ECI2: variants seen among roughly 807,000 people sequenced by gnomAD.
The protein encoded by ECI2 is D3,D2-enoyl-CoA isomerase.
In ECI2, 27 loss-of-function variants were observed where a neutral mutation model predicts 38.4. The observed-to-expected ratio is 0.70, with a 90% CI of 0.52 to 0.97. ECI2 has a LOEUF of 0.97. Among genes scored for constraint, ECI2 ranks in the 50% least tolerant of loss-of-function variants. The pLI is 0.00. For synonymous variants in ECI2, 168 were observed against 172.0 expected, an observed-to-expected ratio of 0.98 and a Z score of 0.18; for missense variants, 470 against 474.4, an observed-to-expected ratio of 0.99 and a Z score of 0.09.
Position 4,130,392 on chromosome 6 carries a change from T to C in ECI2, c.481A>G (p.Lys161Glu), listed in dbSNP as rs752417524. Residue 161 changes from lysine to glutamate, a missense_variant, in exon 4 of 10, where the codon AAA (lysine) becomes GAA (glutamate). Transcript: ENST00000380118. ...TKIMFNRPKK[K>E]NAINTEMYHE... ...ATTACCTCAGTGTTTATGGCATTTT[T>C]CTTTTTGGGCCGGTTGAACATGATC... The C allele has an allele frequency of 6.2e-7, 1 of 1,614,252 alleles. No individual in the cohort carries two copies. The highest frequency in any genetic ancestry group is 1.1e-5 in the South Asian group (1 of 91,084).
rs117925840 is a variant in ECI2 at position 4,126,225 on chromosome 6, T to C, written c.584A>G (p.Tyr195Cys). 8.5e-4 allele frequency: 1,363 copies of C among 1,612,024 alleles called. 29 individuals are homozygous for C. The East Asian group carries it at 0.03, about 35-fold the overall frequency. Residue 195 changes from tyrosine (Y) to cysteine (C), a missense_variant, in exon 6 of 10, where the codon TAT (tyrosine) becomes TGT (cysteine). By Grantham distance (194) the Tyr-to-Cys change is radical (BLOSUM62 -2). Transcript: ENST00000380118. ...IITVLTGNGD[Y>C]YSSGNDLTNF... ...AGTCAGATCATTCCCACTACTGTAA[T>C]AGTCACCATTTCCTATAAGTAAGAA...
At chr6:4,120,422 A>G (rs1772638437) in intron 7 of ECI2, among the ~76,000 whole-genome samples, 2 of 152,174 alleles carry the variant, frequency 1.3e-5, no homozygotes, top group South Asian at 4.1e-4. Context: ...GTGTATCTAA[A>G]TATATCAAAC....
chr6:4,130,959 C>T (rs1433361115), intron 2 of ECI2, 94 bp from the exon 3 acceptor site: 2 of 1,182,554 alleles, frequency 1.7e-6, no homozygotes, highest in Non-Finnish European at 2.4e-6. Flanking sequence ...ACATGAATGC[C>T]TCCCCCAAAT....
At chr6:4,124,237 T>C (rs1243796929) in intron 7 of ECI2, among the ~76,000 whole-genome samples, 1 of 152,228 alleles carries the variant, frequency 6.6e-6, no homozygotes, top group Admixed American at 6.5e-5. Context: ...TAGAATCTCA[T>C]TTGCTAATTT....
At chr6:4,122,030 T>C in intron 7 of ECI2, 1 of 1,598,432 alleles carries the variant, frequency 6.3e-7, no homozygotes, top group Non-Finnish European at 8.5e-7. Context: ...CAACAACAGC[T>C]AAAGGGACAC....
intron 4 of ECI2, among the ~76,000 whole-genome samples, chr6:4,128,782 G>A (rs984522159): frequency 8.5e-5 from 13 of 152,144 alleles, no homozygotes; most frequent in African/African-American, 2.9e-4. Flanking sequence ...AAGTATATGG[G>A]AGTGTATATA....
chr6:4,125,791 C>T (rs963643184), intron 6 of ECI2: 16 of 433,356 alleles, frequency 3.7e-5, no homozygotes, highest in African/African-American at 2.4e-4. Context: ...CTCCGAGTCT[C>T]CTACCTTCAG....
intron 9 of ECI2, among the ~76,000 whole-genome samples, 155 bp downstream of exon 9, chr6:4,117,153 T>C (rs1261634339): frequency 1.3e-5 from 2 of 152,210 alleles, no homozygotes; most frequent in African/African-American, 4.8e-5. Context: ...ATTTCCAACA[T>C]TACTACAGTT....
At chr6:4,122,014 AC>A in intron 7 of ECI2, 1 of 1,607,000 alleles carries the variant, frequency 6.2e-7, no homozygotes, top group Non-Finnish European at 8.5e-7. Context: ...AAACTGAGAA[AC>A]CTGCCAACAA....
chr6:4,135,397 C>T (rs1038563369), intron 1 of ECI2, 114 bp downstream of exon 1: 4 of 1,572,544 alleles, frequency 2.5e-6, no homozygotes, highest in Non-Finnish European at 2.6e-6. Flanking sequence ...AAAGCAAAAT[C>T]CTGTTGCCAC....
At position 4,135,517 on chromosome 6, in the gene ECI2, C is replaced by T. The variant is rs1024884298; in HGVS notation, c.44G>A (p.Cys15Tyr). The T allele has an allele frequency of 1.2e-6, 2 of 1,611,220 alleles. No homozygotes were observed. The highest frequency in any genetic ancestry group is 1.7e-6 in the Non-Finnish European group (2 of 1,179,264). ...YLAWRLARRS[C>Y]PSSLQVTSFP... ...GCCGGGACTCCAAGCTTACCTCGGACACGAACGCCGCGCCAGTCTCCAAGC... is the reference window on the plus strand; with the variant it reads ...GCCGGGACTCCAAGCTTACCTCGGATACGAACGCCGCGCCAGTCTCCAAGC... Residue 15 changes from cysteine to tyrosine, a missense_variant, in exon 1 of 10, where the codon TGT (cysteine) becomes TAT (tyrosine). Physicochemically the swap from Cys to Tyr is radical, Grantham distance 194. Coordinates refer to ENST00000380118, the MANE Select transcript of ECI2 (RefSeq NM_206836.3).
intron 2 of ECI2, 44 bp from the exon 3 acceptor site, chr6:4,130,909 C>CT: frequency 6.4e-7 from 1 of 1,565,200 alleles, no homozygotes; most frequent in Non-Finnish European, 8.8e-7. Flanking sequence ...TCCATGTAAA[C>CT]TAGACCCCTA....
At chr6:4,122,109 G>A (rs777144856) in intron 7 of ECI2, 43 of 1,042,566 alleles carry the variant, frequency 4.1e-5, no homozygotes, top group Non-Finnish European at 5.5e-5. Context: ...AGAGCAGCAG[G>A]TGGAGTTAAG....
intron 1 of ECI2, chr6:4,135,231 G>A (rs1405665065): frequency 4.3e-6 from 4 of 927,474 alleles, no homozygotes; most frequent in African/African-American, 1.6e-5. Flanking sequence ...GAGGATGGGA[G>A]CGTGCGCGGA....
chr6:4,134,150 AT>A (rs1434811262), intron 1 of ECI2, among the ~76,000 whole-genome samples: 1 of 152,260 alleles, frequency 6.6e-6, no homozygotes, highest in Admixed American at 6.5e-5. Context: ...TATCAGGTCA[AT>A]TCTTGCCTCT....
intron 1 of ECI2, 32 bp downstream of exon 1, chr6:4,135,479 C>T (rs779902741): frequency 1.2e-4 from 188 of 1,611,464 alleles, no homozygotes; most frequent in Non-Finnish European, 1.5e-4. Flanking sequence ...TGCGGGCGAC[C>T]ATGGGCCGAA....
At position 4,122,045 on chromosome 6, in the gene ECI2, A is replaced by G. The variant is rs17137678; in HGVS notation, c.796-2770T>C. 4.5e-3 allele frequency: 7,036 copies of G among 1,580,450 alleles called. 279 individuals carry two copies. The African/African-American group carries it at 0.083, about 19-fold the overall frequency. On this transcript the variant is annotated intron_variant, in intron 7 of 9. Coordinates refer to ENST00000380118, the MANE Select transcript of ECI2 (RefSeq NM_206836.3). ...CAACAACAGCTAAAGGGACACAAAC[A>G]GGTACATGCAAAGTTGCCAGTAAGC... is the stretch of plus-strand genomic sequence containing the variant.
At chr6:4,122,199 T>C (rs1019658949) in intron 7 of ECI2, among the ~76,000 whole-genome samples, 2 of 151,192 alleles carry the variant, frequency 1.3e-5, no homozygotes, top group African/African-American at 4.9e-5. Flanking sequence ...TTCTCATTTG[T>C]AAAATGGGAA....
rs7771538 is a variant in ECI2, at chr6:4,117,404, T to A, written c.933A>T (p.Ala311=). The change falls in exon 9 of 10, where the codon GCA becomes GCT. Residue 311 remains alanine, a synonymous_variant. Transcript: ENST00000380118. The stretch of plus-strand genomic sequence containing the variant: ...CTTCAGTAACAAGTCCTTGAGCACA[T>A]GCCTCTCCCGCTGTTAACTTCTTTC... ...IFGKKLTAGE[A]CAQGLVTEVF... The A allele has an allele frequency of 0.014, 23,363 of 1,614,110 alleles. 310 individuals are homozygous for A. The highest frequency in any genetic ancestry group is 0.015 in the Non-Finnish European group (17,454 of 1,179,994).
Sources: gnomAD v4.1 joint callset for allele counts (sites outside exome capture counted in the v4.1 genomes callset) on GRCh38, gnomAD v4.1.1 for gene constraint, MANE v1.5 for transcripts, NCBI Gene and HGNC (gene_info 2026-07-23, HGNC 2026-07-21) for gene names.